GALNT13: variants seen among roughly 807,000 people sequenced by gnomAD.
GALNT13 encodes polypeptide N-acetylgalactosaminyltransferase 13, also known as UDP-GalNAc:polypeptide N-acetylgalactosaminyltransferase 13.
In GALNT13, 28 loss-of-function variants were observed where a neutral mutation model predicts 64.2. The observed-to-expected ratio is 0.44, with a 90% CI of 0.32 to 0.60. GALNT13 has a LOEUF of 0.60. Among genes scored for constraint, GALNT13 ranks in the 20% least tolerant of loss-of-function variants. The probability of loss-of-function intolerance (pLI) is 0.05; values close to 1 mark genes in which losing one functional copy is unlikely to be tolerated. For missense variants in GALNT13, 577 were observed against 669.8 expected, an observed-to-expected ratio of 0.86 and a Z score of 1.53; for synonymous variants, 214 against 224.6, an observed-to-expected ratio of 0.95 and a Z score of 0.42.
At chr2:153,780,825 C>T in the GALNT13 span, among the ~76,000 whole-genome samples, 2 of 152,132 alleles carry the variant, frequency 1.3e-5, no homozygotes, top group African/African-American at 4.8e-5. Flanking sequence ...TATTATGTGC[C>T]TAGCACTGAG....
the GALNT13 span, among the ~76,000 whole-genome samples, chr2:153,548,463 T>C: frequency 6.6e-6 from 1 of 152,176 alleles, no homozygotes; most frequent in Non-Finnish European, 1.5e-5. Flanking sequence ...CAAATATACT[T>C]AACGTGAGTA....
chr2:154,442,830 GAAAA>G (rs1701369333), intron 12 of GALNT13, among the ~76,000 whole-genome samples: 2 of 151,438 alleles, frequency 1.3e-5, no homozygotes, highest in African/African-American at 4.8e-5. Context: ...ATGCAACAAA[GAAAA>G]AAAGGGAGAA....
At chr2:154,368,928 G>A (rs1697524425) in intron 9 of GALNT13, among the ~76,000 whole-genome samples, 1 of 151,990 alleles carries the variant, frequency 6.6e-6, no homozygotes, top group Admixed American at 6.6e-5. Flanking sequence ...TAAACCACAA[G>A]TCATCAGTAA....
chr2:153,110,610 C>A, the GALNT13 span, among the ~76,000 whole-genome samples: 3 of 152,010 alleles, frequency 2.0e-5, no homozygotes, highest in Non-Finnish European at 4.4e-5. Context: ...TGATCTTAGG[C>A]AGGAGACTAA....
At chr2:153,701,596 G>A in the GALNT13 span, among the ~76,000 whole-genome samples, 1 of 151,808 alleles carries the variant, frequency 6.6e-6, no homozygotes, top group East Asian at 1.9e-4. Context: ...ATCTGACAAA[G>A]GTCTAATATC....
At chr2:153,570,627 T>G in the GALNT13 span, among the ~76,000 whole-genome samples, 1 of 152,160 alleles carries the variant, frequency 6.6e-6, no homozygotes, top group Non-Finnish European at 1.5e-5. Flanking sequence ...TTTGATTTGA[T>G]TTTTGAATTT....
intron 3 of GALNT13, among the ~76,000 whole-genome samples, chr2:154,015,347 C>A (rs1696933212): frequency 6.6e-6 from 1 of 152,182 alleles, no homozygotes; most frequent in Admixed American, 6.5e-5. Context: ...ACTTCCTGGT[C>A]TTTGATAAGT....
intron 9 of GALNT13, among the ~76,000 whole-genome samples, chr2:154,395,485 A>G (rs1421071732): frequency 6.6e-6 from 1 of 152,284 alleles, no homozygotes; most frequent in East Asian, 1.9e-4. Context: ...AATAAAAATT[A>G]AGTTTATGGT....
chr2:153,553,735 G>A, the GALNT13 span, among the ~76,000 whole-genome samples: 18 of 152,178 alleles, frequency 1.2e-4, no homozygotes, highest in Non-Finnish European at 2.6e-4. Flanking sequence ...TTCCAGGAAC[G>A]AGGGAACCAG....
intron 4 of GALNT13, among the ~76,000 whole-genome samples, chr2:154,146,246 C>T (rs1286329059): frequency 6.6e-6 from 1 of 151,628 alleles, no homozygotes; most frequent in Non-Finnish European, 1.5e-5. Context: ...GGGATAATAA[C>T]ACTGTTACAC....
At chr2:153,152,090 G>C in the GALNT13 span, among the ~76,000 whole-genome samples, 4 of 152,072 alleles carry the variant, frequency 2.6e-5, no homozygotes, top group East Asian at 7.8e-4. Flanking sequence ...GGGAGAGCTA[G>C]TACTAAACCC....
chr2:154,206,210 C>T (rs1366935955), intron 4 of GALNT13, among the ~76,000 whole-genome samples: 1 of 151,566 alleles, frequency 6.6e-6, no homozygotes, highest in Non-Finnish European at 1.5e-5. Context: ...ACCATATTAG[C>T]CAGGATGGTC....
At chr2:153,593,563 A>G in the GALNT13 span, among the ~76,000 whole-genome samples, 2 of 152,204 alleles carry the variant, frequency 1.3e-5, no homozygotes, top group African/African-American at 4.8e-5. Context: ...TTCTTTGCCA[A>G]GTACTTCCTA....
At chr2:153,839,325 A>G in the GALNT13 span, among the ~76,000 whole-genome samples, 41 of 151,880 alleles carry the variant, frequency 2.7e-4, no homozygotes, top group Non-Finnish European at 5.5e-4. Flanking sequence ...ATGGACATCC[A>G]TATTTTGTTT....
At chr2:153,722,374 A>C in the GALNT13 span, among the ~76,000 whole-genome samples, 16 of 139,210 alleles carry the variant, frequency 1.1e-4, no homozygotes, top group South Asian at 7.7e-4. Context: ...CAAAATTGAC[A>C]CCCTAACATC....
chr2:154,099,591 G>C (rs1167193904), intron 3 of GALNT13, among the ~76,000 whole-genome samples: 1 of 152,026 alleles, frequency 6.6e-6, no homozygotes, highest in East Asian at 1.9e-4. Flanking sequence ...TAATTTTTGT[G>C]TATGGTGAGT....
the GALNT13 span, among the ~76,000 whole-genome samples, chr2:153,566,328 C>G: frequency 8.6e-6 from 1 of 116,590 alleles, no homozygotes; most frequent in East Asian, 3.1e-4. Flanking sequence ...TTAGAAATAT[C>G]TTTAAAATCT....
chr2:153,961,126 A>G (rs773116266), intron 3 of GALNT13, among the ~76,000 whole-genome samples: 6 of 152,232 alleles, frequency 3.9e-5, no homozygotes, highest in Non-Finnish European at 8.8e-5. Flanking sequence ...CTCATGTAGT[A>G]TAAGTTGAGA....
the GALNT13 span, among the ~76,000 whole-genome samples, chr2:153,291,695 T>G: frequency 1.3e-5 from 2 of 149,792 alleles, no homozygotes; most frequent in Non-Finnish European, 3.0e-5. Flanking sequence ...AAACTATGTC[T>G]GTTGCATAAT....
Sources: allele counts gnomAD v4.1 joint callset (sites outside exome capture counted in the v4.1 genomes callset), GRCh38; gene constraint gnomAD v4.1.1; transcripts MANE v1.5; gene names NCBI Gene and HGNC (gene_info 2026-07-23, HGNC 2026-07-21).